ITPKB: variants seen among roughly 807,000 people sequenced by gnomAD.
ITPKB encodes IP3 3-kinase B.
In ITPKB, 13 loss-of-function variants were observed where a neutral mutation model predicts 69.4. That is an observed-to-expected ratio of 0.19 (90% CI 0.12 to 0.30). The LOEUF (loss-of-function observed/expected upper bound fraction) is 0.30, where lower values mean the gene tolerates loss of function less well. Among genes scored for constraint, ITPKB ranks in the 10% least tolerant of loss-of-function variants. The probability of loss-of-function intolerance (pLI) is 1.00; values close to 1 mark genes in which losing one functional copy is unlikely to be tolerated. For missense variants in ITPKB, 1,240 were observed against 1,250.5 expected (o/e 0.99, Z 0.13); for synonymous variants, 584 against 513.7 (o/e 1.14, Z -1.85).
At chr1:226,659,521 C>G (rs1174885037) in intron 2 of ITPKB, 3 of 152,268 alleles carry the variant, frequency 2.0e-5, no homozygotes, top group South Asian at 2.1e-4. Context: ...TCCCTCCTCC[C>G]TTCTGTGTAT....
chr1:226,693,734 C>T (rs1042306343), intron 2 of ITPKB, among the ~76,000 whole-genome samples: 4 of 152,208 alleles, frequency 2.6e-5, no homozygotes, highest in African/African-American at 9.6e-5. Context: ...GCCAGTCCCA[C>T]GTTTTTGAAT....
At chr1:226,733,389 A>G (rs1036316643) in intron 2 of ITPKB, among the ~76,000 whole-genome samples, 2 of 152,218 alleles carry the variant, frequency 1.3e-5, no homozygotes, top group Non-Finnish European at 2.9e-5. Flanking sequence ...TAGACAAAAT[A>G]TCTATTGCAG....
At chr1:226,679,267 C>A (rs1193711940) in intron 2 of ITPKB, among the ~76,000 whole-genome samples, 1 of 152,220 alleles carries the variant, frequency 6.6e-6, no homozygotes, top group Non-Finnish European at 1.5e-5. Flanking sequence ...GGCTCCCTGT[C>A]TCCCCTCTTC....
chr1:226,730,732 T>G (rs1173234413), intron 2 of ITPKB, among the ~76,000 whole-genome samples: 1 of 152,148 alleles, frequency 6.6e-6, no homozygotes, highest in Non-Finnish European at 1.5e-5. Flanking sequence ...AATTGAGACC[T>G]GACAAAATAA....
chr1:226,639,438 C>A, intron 6 of ITPKB, 119 bp downstream of exon 6: 1 of 714,890 alleles, frequency 1.4e-6, no homozygotes, highest in South Asian at 1.6e-5. Flanking sequence ...CCTACGAACT[C>A]GGGCTGGGGT....
intron 2 of ITPKB, among the ~76,000 whole-genome samples, chr1:226,673,195 G>C (rs1309029670): frequency 6.6e-6 from 1 of 151,510 alleles, no homozygotes; most frequent in Non-Finnish European, 1.5e-5. Flanking sequence ...AACATGGTGA[G>C]ACCCCTTGTC....
At chr1:226,712,026 G>A (rs896131399) in intron 2 of ITPKB, among the ~76,000 whole-genome samples, 1 of 152,162 alleles carries the variant, frequency 6.6e-6, no homozygotes, top group African/African-American at 2.4e-5. Flanking sequence ...TCAGAGCTCC[G>A]GGAGAAGGGC....
intron 2 of ITPKB, among the ~76,000 whole-genome samples, chr1:226,691,501 G>A (rs1656352018): frequency 6.6e-6 from 1 of 152,140 alleles, no homozygotes; most frequent in Non-Finnish European, 1.5e-5. Context: ...ACTGGCCTGA[G>A]TCAACAGCAG....
chr1:226,651,073 GAGA>G (rs1187176747), intron 2 of ITPKB, among the ~76,000 whole-genome samples: 1 of 152,226 alleles, frequency 6.6e-6, no homozygotes, highest in Non-Finnish European at 1.5e-5. Context: ...GCTCACTGTG[GAGA>G]AGGAGGGAGC....
intron 2 of ITPKB, among the ~76,000 whole-genome samples, chr1:226,710,870 G>C (rs1656931055): frequency 6.6e-6 from 1 of 152,338 alleles, no homozygotes; most frequent in East Asian, 1.9e-4. Flanking sequence ...GAAGTCAGGT[G>C]GGACTGGAGC....
chr1:226,656,417 C>T (rs1056513920), intron 2 of ITPKB, among the ~76,000 whole-genome samples: 1 of 152,208 alleles, frequency 6.6e-6, no homozygotes, highest in Non-Finnish European at 1.5e-5. Context: ...GCGGGCTCCA[C>T]TTCATTTCCT....
chr1:226,713,974 A>C (rs1040545714), intron 2 of ITPKB, among the ~76,000 whole-genome samples: 1 of 152,180 alleles, frequency 6.6e-6, no homozygotes, highest in Non-Finnish European at 1.5e-5. Flanking sequence ...GATATTTTTT[A>C]AAATCTTGAC....
At chr1:226,648,889 A>C (rs2298169) in intron 2 of ITPKB, 118 bp from the exon 3 acceptor site, 1 of 745,972 alleles carries the variant, frequency 1.3e-6, no homozygotes. Flanking sequence ...AGGGCCCTTG[A>C]CGGGCTCTGA....
At chr1:226,725,326 A>C (rs1420762241) in intron 2 of ITPKB, among the ~76,000 whole-genome samples, 2 of 152,094 alleles carry the variant, frequency 1.3e-5, no homozygotes, top group African/African-American at 2.4e-5. Flanking sequence ...CTGGGTGCAA[A>C]GTGCACTTCT....
Position 226,737,447 on chromosome 1 carries a change from G to A in ITPKB, c.12C>T (p.Tyr4=). The A allele has an allele frequency of 1.2e-6, 2 of 1,610,630 alleles. No individual in the cohort carries two copies. The highest frequency in any genetic ancestry group is 1.7e-6 in the Non-Finnish European group (2 of 1,179,346). Reference sequence around the variant, plus strand: ...TCACCAGGCTATTGAGCGCATAGCAGTACACAGCCATAGTACTGGGTCCCG... The same window carrying A: ...TCACCAGGCTATTGAGCGCATAGCAATACACAGCCATAGTACTGGGTCCCG... MAV[Y]CYALNSLVIM... Residue 4 remains tyrosine (Y), a synonymous_variant, in exon 2 of 8, where the codon TAC becomes TAT. Coordinates refer to ENST00000429204, the MANE Select transcript of ITPKB (RefSeq NM_002221.4).
At chr1:226,645,178 T>C (rs2102743499) in intron 4 of ITPKB, among the ~76,000 whole-genome samples, 1 of 152,354 alleles carries the variant, frequency 6.6e-6, no homozygotes, top group East Asian at 1.9e-4. Context: ...GCATCTAGCA[T>C]AGCCCTTGGA....
intron 2 of ITPKB, among the ~76,000 whole-genome samples, chr1:226,699,964 G>A (rs1388394104): frequency 2.6e-5 from 4 of 152,136 alleles, no homozygotes; most frequent in Admixed American, 1.3e-4. Flanking sequence ...GATGTTCAAG[G>A]GCAGGAAGGA....
chr1:226,682,194 T>C (rs1656108723), intron 2 of ITPKB, among the ~76,000 whole-genome samples: 1 of 152,186 alleles, frequency 6.6e-6, no homozygotes, highest in Non-Finnish European at 1.5e-5. Context: ...CTGGCTTAGT[T>C]GGTGTGGAGT....
At chr1:226,647,068 C>T (rs1669076984) in intron 4 of ITPKB, 99 bp downstream of exon 4, 2 of 1,029,924 alleles carry the variant, frequency 1.9e-6, no homozygotes, top group African/African-American at 1.6e-5. Context: ...CCTGCCCTTG[C>T]ACCTGTGAGG....
Sources: allele counts gnomAD v4.1 joint callset (sites outside exome capture counted in the v4.1 genomes callset), GRCh38; gene constraint gnomAD v4.1.1; transcripts MANE v1.5; gene names NCBI Gene and HGNC (gene_info 2026-07-23, HGNC 2026-07-21).